TCF3: variants seen among roughly 807,000 people sequenced by gnomAD.
The protein encoded by TCF3 is transcription factor 3, also known as transcription factor E2-alpha.
A neutral mutation model predicts 72.3 loss-of-function variants in TCF3; 54 were observed. That is an observed-to-expected ratio of 0.75 (90% CI 0.60 to 0.94). The LOEUF (loss-of-function observed/expected upper bound fraction) is 0.94, where lower values mean the gene tolerates loss of function less well. TCF3 is among the 40% of genes least tolerant of loss of function. The probability of loss-of-function intolerance (pLI) is 0.00; values close to 1 mark genes in which losing one functional copy is unlikely to be tolerated. For synonymous variants in TCF3, 525 were observed against 412.6 expected (o/e 1.27, Z -3.30); for missense variants, 1,078 against 934.4 (o/e 1.15, Z -2.00).
rs746343624 is a variant in TCF3 at position 1,615,668 on chromosome 19, C to G, written c.1586+18G>C. 1.9e-6 allele frequency: 3 copies of G among 1,575,398 alleles called. No homozygotes were observed. The Middle Eastern group carries it at 5.1e-4, about 268-fold the overall frequency. ...CTGATGGGGTGAGGGTGGGGAGTGC[C>G]GAGGGGTGGGTTGGCACCTGGTCCG... On this transcript the variant is annotated intron_variant, in intron 17 of 18. Coordinates refer to ENST00000262965, the MANE Select transcript of TCF3 (RefSeq NM_003200.5). The surrounding 1 kb of genome is among the most constrained non-coding windows in gnomAD (Gnocchi z 7.3).
rs773597214 is a variant in TCF3, at chr19:1,611,747, G to A, written c.1925C>T (p.Pro642Leu). 2.5e-5 allele frequency: 40 copies of A among 1,613,704 alleles called. No individual in the cohort carries two copies. The highest frequency in any genetic ancestry group is 3.3e-5 in the Non-Finnish European group (39 of 1,179,998). The change falls in exon 19 of 19, where the codon CCA becomes CTA. Residue 642 changes from proline to leucine, a missense_variant. Pro to Leu is a moderately conservative substitution (Grantham distance 98). Coordinates refer to ENST00000262965, the MANE Select transcript of TCF3 (RefSeq NM_003200.5). ...GGGGTTGTGGGCTTCGCTCAGGCCT[G>A]GGTGGGGAGCTGAAAGCACCATCTG... ...DPQMVLSAPH[P>L]GLSEAHNPAG...
intron 3 of TCF3, among the ~76,000 whole-genome samples, chr19:1,639,777 AACAAATGT>A (rs1276761672): frequency 1.4e-5 from 2 of 144,936 alleles, no homozygotes; most frequent in East Asian, 4.1e-4. Context: ...AAAAAAAAGG[AACAAATGT>A]CAGTAATATG....
chr19:1,621,102 G>T, intron 12 of TCF3, 31 bp downstream of exon 12: 1 of 1,524,768 alleles, frequency 6.6e-7, no homozygotes. Flanking sequence ...CAGGTCACTT[G>T]CCTGGCCACC....
intron 3 of TCF3, among the ~76,000 whole-genome samples, 180 bp from the exon 4 acceptor site, chr19:1,632,585 C>A (rs983021084): frequency 6.6e-6 from 1 of 152,180 alleles, no homozygotes; most frequent in African/African-American, 2.4e-5. Flanking sequence ...ACCCAGACAC[C>A]CTGGGACTCG....
rs574689037 is a variant in TCF3, at chr19:1,627,119, C to T, written c.366+240G>A. 7.9e-4 allele frequency among the ~76,000 whole-genome samples: 121 copies of T among 152,304 alleles called. 1 individual carries two copies. The highest frequency in any genetic ancestry group is 2.7e-3 in the African/African-American group (114 of 41,552). On this transcript the variant is annotated intron_variant, in intron 6 of 18. Transcript: ENST00000262965. ...CCTGCCACTCAGAGGAGAGGGCAAC[C>T]GAGCCCCTCCAGCTAAGCATGGCAG...
rs369519628 is a variant in TCF3 at position 1,623,480 on chromosome 19, T to C, written c.549+471A>G. Reference sequence around the variant, plus strand: ...CTCACTGCAACCTCCGCCTCCTGGGTTCAAACGATTCTTCTGCCTCAGCCT... The same window carrying C: ...CTCACTGCAACCTCCGCCTCCTGGGCTCAAACGATTCTTCTGCCTCAGCCT... On this transcript the variant is annotated intron_variant, in intron 8 of 18. Coordinates refer to ENST00000262965, the MANE Select transcript of TCF3 (RefSeq NM_003200.5). Among the ~76,000 whole-genome samples, 48 of 147,898 alleles carry C rather than the reference T, an allele frequency of 3.2e-4. 1 individual carries two copies. The East Asian group carries it at 9.9e-3, about 31-fold the overall frequency.
intron 1 of TCF3, among the ~76,000 whole-genome samples, chr19:1,651,838 G>C (rs1208369747): frequency 1.4e-5 from 2 of 146,718 alleles, no homozygotes; most frequent in Non-Finnish European, 3.0e-5. Flanking sequence ...AGCGCCTGCA[G>C]CGCGCGGCAC....
chr19:1,635,769 C>T (rs753227873), intron 3 of TCF3, among the ~76,000 whole-genome samples: 3 of 152,198 alleles, frequency 2.0e-5, no homozygotes, highest in Non-Finnish European at 2.9e-5. Flanking sequence ...GTGTATATGG[C>T]TAATGCCTGC....
In TCF3 at chr19:1,622,198, C is replaced by A; in HGVS notation, c.678G>T (p.Glu226Asp). 1 of 1,561,048 alleles carries A rather than the reference C, an allele frequency of 6.4e-7. No individual in the cohort carries two copies. ...CCGCCTGGCCCGGGGGACTCCAGAG[C>A]TCGGCTGAGGGGTGCAGGCTGCCAT... ...VADGSLHPSA[E>D]LWSPPGQAGF... The change falls in exon 10 of 19, where the codon GAG becomes GAT. Residue 226 changes from glutamate (E) to aspartate (D), a missense_variant. Coordinates refer to ENST00000262965, the MANE Select transcript of TCF3 (RefSeq NM_003200.5).
chr19:1,615,631 C>T lies in TCF3; in HGVS notation c.1586+55G>A. 3.7e-6 allele frequency: 6 copies of T among 1,611,196 alleles called. No individual in the cohort carries two copies. Among genetic ancestry groups the T allele is most frequent in the Non-Finnish European group, 3.4e-6 (4 of 1,179,610 alleles). Reference sequence around the variant, plus strand: ...GGGTGCGGTGTGCGTGTGGCCTGTGCACATGTGCGTCCTGATGGGGTGAGG... The same window carrying T: ...GGGTGCGGTGTGCGTGTGGCCTGTGTACATGTGCGTCCTGATGGGGTGAGG... On this transcript the variant is annotated intron_variant, in intron 17 of 18. Coordinates refer to ENST00000262965, the MANE Select transcript of TCF3 (RefSeq NM_003200.5). The surrounding 1 kb of genome is among the most constrained non-coding windows in gnomAD (Gnocchi z 7.3).
At position 1,623,966 on chromosome 19, in the gene TCF3, C is replaced by A; in HGVS notation, c.534G>T (p.Pro178=). The change falls in exon 8 of 19, where the codon CCG becomes CCT. Residue 178 remains proline, a synonymous_variant. Coordinates refer to ENST00000262965, the MANE Select transcript of TCF3 (RefSeq NM_003200.5). The part of the protein sequence containing the change: ...TQPKKVRKVP[P]GLPSSVYPPS... ...TGCGACTCACCGAGGATGGAAGACCCGGCGGGACCTTCCGGACCTTCTTGG... is the reference window on the plus strand; with the variant it reads ...TGCGACTCACCGAGGATGGAAGACCAGGCGGGACCTTCCGGACCTTCTTGG... The A allele has an allele frequency of 6.2e-7, 1 of 1,613,470 alleles. No individual in the cohort carries two copies. The highest frequency in any genetic ancestry group is 8.5e-7 in the Non-Finnish European group (1 of 1,179,958).
At chr19:1,630,766 C>T (rs1478854891) in intron 5 of TCF3, among the ~76,000 whole-genome samples, 4 of 152,152 alleles carry the variant, frequency 2.6e-5, no homozygotes, top group Non-Finnish European at 5.9e-5. Flanking sequence ...ACCACGACAG[C>T]GGGACCCCTG....
intron 5 of TCF3, among the ~76,000 whole-genome samples, chr19:1,629,799 T>C (rs1266151759): frequency 6.6e-6 from 1 of 152,130 alleles, no homozygotes; most frequent in African/African-American, 2.4e-5. Flanking sequence ...AATTTCCCGA[T>C]TTTTGAATTT....
At position 1,638,257 on chromosome 19, in the gene TCF3, T is replaced by C. The variant is rs147374977; in HGVS notation, c.146-5852A>G. 3.3e-5 allele frequency among the ~76,000 whole-genome samples: 5 copies of C among 152,388 alleles called. No homozygotes were observed. The East Asian group carries it at 9.6e-4, about 29-fold the overall frequency. On this transcript the variant is annotated intron_variant, in intron 3 of 18. Coordinates refer to ENST00000262965, the MANE Select transcript of TCF3 (RefSeq NM_003200.5). ...TAAGGAAACTGACGCAAAAGATAGATGCCATTTGCTCAAGCCCTCACAGTA... is the reference window on the plus strand; with the variant it reads ...TAAGGAAACTGACGCAAAAGATAGACGCCATTTGCTCAAGCCCTCACAGTA...
intron 6 of TCF3, 69 bp downstream of exon 6, chr19:1,627,290 G>A: frequency 2.2e-6 from 3 of 1,366,600 alleles, no homozygotes; most frequent in East Asian, 2.7e-5. Context: ...AGCTTCTGCA[G>A]ATCAGAGAGG....
In TCF3 at chr19:1,621,787, C is replaced by CT. The variant is rs755187310; in HGVS notation, c.955+50dup. 28 of 1,513,574 alleles carry CT rather than the reference C, an allele frequency of 1.8e-5. No homozygotes were observed. In the South Asian group the frequency reaches 3.3e-4, roughly 18 times the overall value. The allele number at this position is 1,513,574 out of a possible 1,614,324, so 93.8% of individuals were successfully genotyped here. A position where few individuals can be genotyped will look rare whatever the true frequency, so the allele number is the denominator to read the frequency against. ...TCGCCACCCCCCACCCAGACCCTGC[C>CT]TGGAGCCCAGTGTCCCCTCGGAGAG... is the stretch of plus-strand genomic sequence containing the variant. On this transcript the variant is annotated intron_variant, in intron 11 of 18. Transcript: ENST00000262965.
chr19:1,622,752 C>T (rs918588853), intron 8 of TCF3, among the ~76,000 whole-genome samples: 20 of 152,276 alleles, frequency 1.3e-4, no homozygotes, highest in Admixed American at 9.8e-4. Context: ...AACCCCAGCT[C>T]CAACACCCCA....
At chr19:1,631,039 CCCTGCAGCACGGGTGAG>C (rs1416590858) in intron 5 of TCF3, among the ~76,000 whole-genome samples, 2 of 152,234 alleles carry the variant, frequency 1.3e-5, no homozygotes, top group African/African-American at 2.4e-5. Context: ...CGGTTCGTTC[CCCTGCAGCACGGGTGAG>C]CCTGCAGCGG....
chr19:1,615,694 G>C lies in TCF3; in HGVS notation c.1578C>G (p.Ala526=). 1 of 1,613,406 alleles carries C rather than the reference G, an allele frequency of 6.2e-7. No individual in the cohort carries two copies. The highest frequency in any genetic ancestry group is 8.5e-7 in the Non-Finnish European group (1 of 1,179,624). ...EEKKELKAPR[A]RTSPDEDEDD... The stretch of plus-strand genomic sequence containing the variant: ...GAGGGGTGGGTTGGCACCTGGTCCG[G>C]GCCCGGGGGGCCTTCAGCTCCTTCT... Residue 526 remains alanine (A), a synonymous_variant, in exon 17 of 19, where the codon GCC becomes GCG. Transcript: ENST00000262965. The surrounding 1 kb of genome is among the most constrained non-coding windows in gnomAD (Gnocchi z 7.3).
Sources: gnomAD v4.1 joint callset for allele counts (sites outside exome capture counted in the v4.1 genomes callset) on GRCh38, gnomAD v4.1.1 for gene constraint, Gnocchi (gnomAD v3.1) non-coding constraint, MANE v1.5 for transcripts, NCBI Gene and HGNC (gene_info 2026-07-23, HGNC 2026-07-21) for gene names.